The following ATF7IP2 variants were observed in gnomAD, a reference collection of about 807,000 sequenced individuals.
The protein encoded by ATF7IP2 is activating transcription factor 7 interacting protein 2.
Under a neutral mutation model 64.2 loss-of-function variants are expected in ATF7IP2, and 42 were observed. That is an observed-to-expected ratio of 0.65 (90% CI 0.51 to 0.85). The LOEUF (loss-of-function observed/expected upper bound fraction) is 0.85. ATF7IP2 is among the 40% of genes least tolerant of loss of function. The pLI is 0.00. For synonymous variants in ATF7IP2, 308 were observed against 272.8 expected (o/e 1.13, Z -1.27); for missense variants, 933 against 784.2 (o/e 1.19, Z -2.27).
At chr16:10,410,554 T>A (rs1035223810) in intron 1 of ATF7IP2, among the ~76,000 whole-genome samples, 2 of 152,184 alleles carry the variant, frequency 1.3e-5, no homozygotes, top group Non-Finnish European at 1.5e-5. Context: ...TTTCTAGGTA[T>A]ACAGTCACAT....
At chr16:10,428,716 G>C (rs1253095771) in intron 3 of ATF7IP2, among the ~76,000 whole-genome samples, 152 bp from the exon 4 acceptor site, 3 of 152,106 alleles carry the variant, frequency 2.0e-5, no homozygotes, top group Non-Finnish European at 4.4e-5. Flanking sequence ...AGGTAATCAG[G>C]AAAAAATTCC....
chr16:10,463,182 G>A (rs1303337850), intron 9 of ATF7IP2, among the ~76,000 whole-genome samples: 1 of 152,018 alleles, frequency 6.6e-6, no homozygotes, highest in Non-Finnish European at 1.5e-5. Context: ...TGCTAATTTT[G>A]TGTTTGATTA....
intron 7 of ATF7IP2, among the ~76,000 whole-genome samples, chr16:10,440,101 A>T (rs905509594): frequency 2.0e-5 from 3 of 152,064 alleles, no homozygotes; most frequent in Admixed American, 6.5e-5. Flanking sequence ...CAGAGGTTGC[A>T]GTGAGTCGAG....
intron 3 of ATF7IP2, among the ~76,000 whole-genome samples, chr16:10,421,335 C>T (rs527428413): frequency 6.6e-6 from 1 of 152,198 alleles, no homozygotes; most frequent in African/African-American, 2.4e-5. Flanking sequence ...CTTATTTGAG[C>T]CTTATGCACT....
chr16:10,397,551 A>G (rs1463419420), intron 1 of ATF7IP2, among the ~76,000 whole-genome samples: 1 of 152,232 alleles, frequency 6.6e-6, no homozygotes, highest in South Asian at 2.1e-4. Context: ...TTGCAGTGGC[A>G]TTCCAGCCTG....
At chr16:10,392,776 C>T (rs1243551734) in intron 1 of ATF7IP2, among the ~76,000 whole-genome samples, 1 of 150,928 alleles carries the variant, frequency 6.6e-6, no homozygotes, top group Non-Finnish European at 1.5e-5. Flanking sequence ...ATTTCTTGAG[C>T]CCAAGAGTTG....
chr16:10,397,040 G>A (rs1027076186), intron 1 of ATF7IP2, among the ~76,000 whole-genome samples: 1 of 152,064 alleles, frequency 6.6e-6, no homozygotes, highest in Non-Finnish European at 1.5e-5. Flanking sequence ...AGTTTCTTCT[G>A]CATGTAGATA....
At chr16:10,388,714 T>G (rs1279626712) in intron 1 of ATF7IP2, among the ~76,000 whole-genome samples, 1 of 152,144 alleles carries the variant, frequency 6.6e-6, no homozygotes, top group African/African-American at 2.4e-5. Context: ...ACTGAAGATA[T>G]AAAAAATATT....
At position 10,431,242 on chromosome 16, in the gene ATF7IP2, G is replaced by T. The variant is rs1010451797; in HGVS notation, c.622G>T (p.Glu208Ter). ...VFHLETNSNS[E>*]SHDKRQSDNI... ...CCATTTAGAAACAAACTCCAATTCA[G>T]AATCACATGATAAAAGGCAAAGTGA... is the stretch of plus-strand genomic sequence containing the variant. The change falls in exon 5 of 14, where the codon GAA (glutamate) becomes TAA (stop). Residue 208 changes from glutamate to a stop codon, truncating the protein, a stop_gained. Transcript: ENST00000562102. LOFTEE classifies it high-confidence loss of function. The T allele has an allele frequency of 6.2e-7, 1 of 1,614,024 alleles. No individual in the cohort carries two copies. The highest frequency in any genetic ancestry group is 8.5e-7 in the Non-Finnish European group (1 of 1,180,006).
At position 10,483,571 on chromosome 16, in the gene ATF7IP2, G is replaced by A. The variant is rs945362317; in HGVS notation, c.*1322G>A. On this transcript the variant is annotated 3_prime_UTR_variant, in exon 14 of 14. Coordinates refer to ENST00000562102, the MANE Select transcript of ATF7IP2 (RefSeq NM_001393719.1). The stretch of plus-strand genomic sequence containing the variant: ...AGTTCAGGCTCCAGAGACTCAAAAC[G>A]GAATGGTTTTCCTTGGCATTTTGTA... The A allele has an allele frequency of 6.6e-6, 1 of 152,132 alleles. No individual in the cohort carries two copies. The highest frequency in any genetic ancestry group is 2.4e-5 in the African/African-American group (1 of 41,406). 9.4% of individuals were successfully genotyped at this position (152,132 alleles called of 1,614,324 possible). A position where few individuals can be genotyped will look rare whatever the true frequency, so the allele number is the denominator to read the frequency against.
At chr16:10,421,903 T>A (rs1432569742) in intron 3 of ATF7IP2, among the ~76,000 whole-genome samples, 1 of 152,230 alleles carries the variant, frequency 6.6e-6, no homozygotes, top group East Asian at 1.9e-4. Flanking sequence ...CCATTCACAG[T>A]CTTGCTCAGC....
At chr16:10,439,147 TTTCCTC>T (rs2048523084) in intron 7 of ATF7IP2, among the ~76,000 whole-genome samples, 1 of 152,204 alleles carries the variant, frequency 6.6e-6, no homozygotes, top group South Asian at 2.1e-4. Flanking sequence ...GACTTTTTGT[TTTCCTC>T]TTCTAGTATT....
At chr16:10,430,398 A>G (rs1285437385) in intron 4 of ATF7IP2, among the ~76,000 whole-genome samples, 3 of 152,178 alleles carry the variant, frequency 2.0e-5, no homozygotes, top group Non-Finnish European at 4.4e-5. Flanking sequence ...CAGATTTTGA[A>G]TTTATGTAGT....
At position 10,473,894 on chromosome 16, in the gene ATF7IP2, C is replaced by CTTTTTTTTT. The variant is rs56766112; in HGVS notation, c.1483-22_1483-14dup. 372 of 1,044,128 alleles carry CTTTTTTTTT rather than the reference C, an allele frequency of 3.6e-4. 6 individuals carry two copies. Among genetic ancestry groups the CTTTTTTTTT allele is most frequent in the South Asian group, 8.7e-4 (43 of 49,604 alleles). 64.7% of individuals were successfully genotyped at this position (1,044,128 alleles called of 1,614,324 possible). ...AACATTTTCAGCTATTGAGGCAAAG[C>CTTTTTTTTT]TTTTTTTTTTTTTTTACAATTTTTT... On this transcript the variant is annotated intron_variant, in intron 11 of 13. Coordinates refer to ENST00000562102, the MANE Select transcript of ATF7IP2 (RefSeq NM_001393719.1).
chr16:10,412,010 G>GGTT lies in ATF7IP2; in HGVS notation c.-241-2564_-241-2563insGTT, dbSNP rs1476575065. Among the ~76,000 whole-genome samples, 543 of 58,266 alleles carry GGTT rather than the reference G, an allele frequency of 9.3e-3. 23 individuals are homozygous for GGTT. The highest frequency in any genetic ancestry group is 0.013 in the African/African-American group (214 of 16,270). 38.2% of individuals were successfully genotyped at this position (58,266 alleles called of 152,430 possible). On this transcript the variant is annotated intron_variant, in intron 1 of 13. Transcript: ENST00000562102. Reference sequence around the variant, plus strand: ...CTTTTTGTTTCATTTATCTTTTTTTGTTTTTTTTTTTTTTTTTTTTTTTTT... The same window carrying GGTT: ...CTTTTTGTTTCATTTATCTTTTTTTGGTTTTTTTTTTTTTTTTTTTTTTTTTTT...
chr16:10,388,990 C>T (rs1429129293), intron 1 of ATF7IP2, among the ~76,000 whole-genome samples: 1 of 147,610 alleles, frequency 6.8e-6, no homozygotes, highest in African/African-American at 2.5e-5. Context: ...CCATCCTGGG[C>T]GACAGAGCAA....
At chr16:10,433,986 A>G (rs1293479057) in intron 6 of ATF7IP2, among the ~76,000 whole-genome samples, 2 of 152,164 alleles carry the variant, frequency 1.3e-5, no homozygotes, top group Non-Finnish European at 2.9e-5. Context: ...TAAAGAATCC[A>G]GTCTCTTTTG....
At chr16:10,389,491 C>T (rs1004957364) in intron 1 of ATF7IP2, among the ~76,000 whole-genome samples, 1 of 152,120 alleles carries the variant, frequency 6.6e-6, no homozygotes, top group African/African-American at 2.4e-5. Context: ...ACTGTGAGTG[C>T]TCCCCGTCCA....
At chr16:10,405,548 T>G (rs2047620995) in intron 1 of ATF7IP2, among the ~76,000 whole-genome samples, 1 of 152,150 alleles carries the variant, frequency 6.6e-6, no homozygotes, top group South Asian at 2.1e-4. Context: ...ACATCCTGCC[T>G]AACCACCTGA....
Sources: gnomAD v4.1 joint callset for allele counts (sites outside exome capture counted in the v4.1 genomes callset) on GRCh38, gnomAD v4.1.1 for gene constraint, MANE v1.5 for transcripts, NCBI Gene and HGNC (gene_info 2026-07-23, HGNC 2026-07-21) for gene names.